Variants in PLXDC2 observed in about 807,000 individuals in gnomAD.
The protein encoded by PLXDC2 is plexin domain containing 2.
PLXDC2 carries 40 observed loss-of-function variants against 68.9 expected under a neutral mutation model. The ratio of observed to expected loss-of-function variants is 0.58; its 90% CI spans 0.45 to 0.76. The LOEUF is 0.76. Ranked by LOEUF, PLXDC2 falls within the 30% of genes least tolerant of loss-of-function variation. The probability of loss-of-function intolerance (pLI) is 0.00; values close to 1 mark genes in which losing one functional copy is unlikely to be tolerated. For missense variants in PLXDC2, 644 were observed against 661.9 expected (o/e 0.97, Z 0.30); for synonymous variants, 243 against 234.2 (o/e 1.04, Z -0.34).
intron 7 of PLXDC2, among the ~76,000 whole-genome samples, chr10:20,172,088 C>G (rs1050300775): frequency 1.3e-5 from 2 of 152,100 alleles, no homozygotes; most frequent in Non-Finnish European, 2.9e-5. Context: ...CTACCCCTTA[C>G]ATTTATACGA....
chr10:20,187,673 A>G (rs1358997976), intron 9 of PLXDC2, among the ~76,000 whole-genome samples: 1 of 151,928 alleles, frequency 6.6e-6, no homozygotes. Context: ...TAGCTTTTAG[A>G]AAACATCATC....
chr10:20,170,290 A>C (rs148361665), intron 7 of PLXDC2, among the ~76,000 whole-genome samples: 78 of 152,274 alleles, frequency 5.1e-4, no homozygotes, highest in African/African-American at 1.8e-3. Context: ...TCCGGGGTTC[A>C]AGTGCTTCTC....
chr10:19,937,948 A>C (rs117128273), intron 1 of PLXDC2, among the ~76,000 whole-genome samples: 3 of 152,044 alleles, frequency 2.0e-5, no homozygotes, highest in Non-Finnish European at 4.4e-5. Context: ...AGTGGTAATC[A>C]TGGCTTTAGG....
Position 19,816,874 on chromosome 10 carries a change from A to G in PLXDC2, c.-206A>G, listed in dbSNP as rs2131989155. The G allele has an allele frequency of 1.7e-6, 1 of 588,942 alleles. No homozygotes were observed. The highest frequency in any genetic ancestry group is 2.8e-5 in the East Asian group (1 of 35,452). 36.5% of individuals were successfully genotyped at this position (588,942 alleles called of 1,614,324 possible). A position where few individuals can be genotyped will look rare whatever the true frequency, so the allele number is the denominator to read the frequency against. On this transcript the variant is annotated 5_prime_UTR_variant, in exon 1 of 14. Coordinates refer to ENST00000377252, the MANE Select transcript of PLXDC2 (RefSeq NM_032812.9). ...TGGCAAGTTGCAAAGAGAGCCTCAG[A>G]GGTCCGAAGAGCGCTGCGCTCCTAC...
intron 1 of PLXDC2, among the ~76,000 whole-genome samples, chr10:19,971,611 G>T (rs1230118557): frequency 6.6e-6 from 1 of 152,158 alleles, no homozygotes; most frequent in Non-Finnish European, 1.5e-5. Flanking sequence ...CTGGGCAAAA[G>T]AAATACTTTT....
intron 3 of PLXDC2, among the ~76,000 whole-genome samples, chr10:20,066,452 A>G (rs1414757627): frequency 6.6e-6 from 1 of 152,236 alleles, no homozygotes; most frequent in Admixed American, 6.5e-5. Context: ...ACTGATAAGC[A>G]TGGAAATAAA....
chr10:20,144,997 T>G (rs943255380), intron 5 of PLXDC2, among the ~76,000 whole-genome samples: 8 of 152,338 alleles, frequency 5.3e-5, no homozygotes, highest in African/African-American at 1.9e-4. Context: ...CCAACTGAAC[T>G]CTTAAGTTCT....
chr10:19,956,877 A>T (rs1277096216), intron 1 of PLXDC2, among the ~76,000 whole-genome samples: 1 of 152,196 alleles, frequency 6.6e-6, no homozygotes, highest in African/African-American at 2.4e-5. Context: ...AGGTTACATG[A>T]CCATTTCTAT....
chr10:20,226,896 G>A (rs180760133), intron 12 of PLXDC2, among the ~76,000 whole-genome samples: 204 of 151,984 alleles, frequency 1.3e-3, no homozygotes, highest in African/African-American at 4.8e-3. Context: ...TCTACTGGAG[G>A]AAAGAAACTT....
rs575651126 is a variant in PLXDC2 at position 20,161,276 on chromosome 10, A to G, written c.784-3192A>G. 3.1e-4 allele frequency among the ~76,000 whole-genome samples: 47 copies of G among 152,096 alleles called. 1 individual carries two copies. In the South Asian group the frequency reaches 8.7e-3, roughly 28 times the overall value. On this transcript the variant is annotated intron_variant, in intron 6 of 13. Coordinates refer to ENST00000377252, the MANE Select transcript of PLXDC2 (RefSeq NM_032812.9). Reference sequence around the variant, plus strand: ...GAATGTGTAAGCTGTTATCTGGTGGACTGGCTGGGAGCTGGCTAGGCAAGG... The same window carrying G: ...GAATGTGTAAGCTGTTATCTGGTGGGCTGGCTGGGAGCTGGCTAGGCAAGG...
intron 4 of PLXDC2, among the ~76,000 whole-genome samples, chr10:20,103,877 A>C (rs965808763): frequency 2.6e-5 from 4 of 152,176 alleles, no homozygotes; most frequent in African/African-American, 9.6e-5. Flanking sequence ...TCCTGACCTC[A>C]GGTGATCCGC....
chr10:20,278,578 A>C (rs1239692952), intron 13 of PLXDC2, among the ~76,000 whole-genome samples: 1 of 151,694 alleles, frequency 6.6e-6, no homozygotes, highest in Non-Finnish European at 1.5e-5. Context: ...TGTTATAGAG[A>C]TAGCACTTAA....
chr10:20,114,006 C>G (rs1361376054), intron 4 of PLXDC2, among the ~76,000 whole-genome samples: 1 of 152,154 alleles, frequency 6.6e-6, no homozygotes, highest in African/African-American at 2.4e-5. Context: ...TGCCTGTAAT[C>G]TCAGCTACTC....
At chr10:20,030,064 G>GA (rs1253684580) in intron 2 of PLXDC2, among the ~76,000 whole-genome samples, 2 of 151,618 alleles carry the variant, frequency 1.3e-5, no homozygotes, top group African/African-American at 2.4e-5. Flanking sequence ...GAGATTATTT[G>GA]AAAAAAAATG....
At chr10:20,155,149 A>T (rs1482348945) in intron 6 of PLXDC2, among the ~76,000 whole-genome samples, 1 of 152,200 alleles carries the variant, frequency 6.6e-6, no homozygotes, top group Non-Finnish European at 1.5e-5. Context: ...ATTAGTTGTA[A>T]GTTTCAATGG....
intron 4 of PLXDC2, among the ~76,000 whole-genome samples, chr10:20,073,545 AT>A (rs1836379404): frequency 6.6e-6 from 1 of 152,222 alleles, no homozygotes; most frequent in Non-Finnish European, 1.5e-5. Flanking sequence ...ATCTTTGCCT[AT>A]TAAGCATTTT....
At chr10:20,021,065 G>A (rs1835299330) in intron 2 of PLXDC2, among the ~76,000 whole-genome samples, 1 of 152,134 alleles carries the variant, frequency 6.6e-6, no homozygotes, top group African/African-American at 2.4e-5. Context: ...ACAAAATATA[G>A]TATACAGTTA....
At chr10:19,903,322 C>CT (rs59736805) in intron 1 of PLXDC2, among the ~76,000 whole-genome samples, 10,352 of 139,170 alleles carry the variant, frequency 0.074, 818 homozygotes, top group African/African-American at 0.2. Flanking sequence ...TTTTTGTTGG[C>CT]TTTTTTTTTT....
intron 1 of PLXDC2, among the ~76,000 whole-genome samples, chr10:19,907,862 A>C (rs1174044527): frequency 2.0e-5 from 3 of 152,144 alleles, no homozygotes; most frequent in African/African-American, 7.2e-5. Flanking sequence ...CCTCACGCAC[A>C]CACCTCTCAT....
Sources: allele counts gnomAD v4.1 joint callset (sites outside exome capture counted in the v4.1 genomes callset), GRCh38; gene constraint gnomAD v4.1.1; transcripts MANE v1.5; gene names NCBI Gene and HGNC (gene_info 2026-07-23, HGNC 2026-07-21).